PRH1: variants seen among roughly 807,000 people sequenced by gnomAD.
PRH1 encodes salivary acidic proline-rich phosphoprotein 1/2.
PRH1 carries 7 observed loss-of-function variants against 7.9 expected under a neutral mutation model. The ratio of observed to expected loss-of-function variants is 0.89; its 90% CI spans 0.50 to 1.67. The LOEUF is 1.67. PRH1 is among the 40% of genes most tolerant of loss of function. PRH1 has a pLI of 0.00. For synonymous variants in PRH1, 45 were observed against 80.8 expected, an observed-to-expected ratio of 0.56 and a Z score of 2.38; for missense variants, 109 against 223.6, an observed-to-expected ratio of 0.49 and a Z score of 3.27.
intron 1 of PRH1, among the ~76,000 whole-genome samples, chr12:11,074,320 A>G (rs1944206933): frequency 6.6e-6 from 1 of 151,772 alleles, no homozygotes; most frequent in Non-Finnish European, 1.5e-5. Context: ...TCACCTTTGG[A>G]GCAGAAAGTG....
chr12:11,159,950 C>G lies in PRH1; in HGVS notation n.39+11472G>C, dbSNP rs1355783395. ...TACCTTTCTTACCACTTTCAGTCAGCTACTATATAATTTCTAGAACAAACA... is the reference window on the plus strand; with the variant it reads ...TACCTTTCTTACCACTTTCAGTCAGGTACTATATAATTTCTAGAACAAACA... On this transcript the variant is annotated intron_variant and non_coding_transcript_variant, in intron 1 of 1. Coordinates refer to the PRH1 transcript ENST00000541175. Among the ~76,000 whole-genome samples, 4 of 152,180 alleles carry G rather than the reference C, an allele frequency of 2.6e-5. No individual in the cohort carries two copies. In the South Asian group the frequency reaches 8.3e-4, roughly 32 times the overall value.
At chr12:11,127,160 C>A (rs1219144652) in intron 1 of PRH1, among the ~76,000 whole-genome samples, 1 of 152,288 alleles carries the variant, frequency 6.6e-6, no homozygotes, top group East Asian at 1.9e-4. Context: ...AGGATAATTT[C>A]CAAAACAGCT....
rs140422506 is a variant in PRH1 at position 11,085,105 on chromosome 12, C to A, written n.124-37917G>T. On this transcript the variant is annotated intron_variant and non_coding_transcript_variant, in intron 1 of 4. Coordinates refer to the PRH1 transcript ENST00000541977. The stretch of plus-strand genomic sequence containing the variant: ...GAAGTGCTGGGATTACAGCTATCAG[C>A]CACGACACCCAACCCTTATTCATAT... Among the ~76,000 whole-genome samples the A allele has an allele frequency of 9.9e-3, 578 of 58,428 alleles. 131 individuals are homozygous for A. Among genetic ancestry groups the A allele is most frequent in the African/African-American group, 0.023 (542 of 23,478 alleles). The allele number at this position is 58,428 out of a possible 152,430, so 38.3% of individuals were successfully genotyped here.
chr12:11,128,475 T>C (rs1262504464), intron 1 of PRH1, among the ~76,000 whole-genome samples: 3 of 152,128 alleles, frequency 2.0e-5, no homozygotes, highest in African/African-American at 7.2e-5. Context: ...GCGGGCGCAG[T>C]GGCTCATGGC....
At chr12:11,060,378 G>GT (rs370423634) in intron 1 of PRH1, among the ~76,000 whole-genome samples, 101 of 134,820 alleles carry the variant, frequency 7.5e-4, no homozygotes, top group Non-Finnish European at 1.3e-3. Flanking sequence ...TACATTGATA[G>GT]TTTTTTTTTA....
chr12:11,120,234 G>A (rs1480983754), downstream of PRH1, among the ~76,000 whole-genome samples: 2 of 152,140 alleles, frequency 1.3e-5, no homozygotes, highest in East Asian at 1.9e-4. Flanking sequence ...GAGTATCTTT[G>A]CCTAAAGTAA....
At chr12:10,946,897 C>T (rs1950495915) in intron 2 of PRH1, among the ~76,000 whole-genome samples, 1 of 152,134 alleles carries the variant, frequency 6.6e-6, no homozygotes, top group Non-Finnish European at 1.5e-5. Context: ...ATCTAAAAGT[C>T]ATCCAGGAGC....
At chr12:11,135,220 G>T (rs1469065948) in intron 1 of PRH1, among the ~76,000 whole-genome samples, 2 of 152,074 alleles carry the variant, frequency 1.3e-5, no homozygotes, top group African/African-American at 4.8e-5. Flanking sequence ...ATCACACGAA[G>T]ACTGACTACC....
At chr12:10,911,668 A>G (rs1397256684) in intron 2 of PRH1, among the ~76,000 whole-genome samples, 2 of 152,170 alleles carry the variant, frequency 1.3e-5, no homozygotes, top group African/African-American at 4.8e-5. Context: ...TGCCTATGAG[A>G]ATTTGGTATT....
chr12:11,010,845 T>C (rs1941035475), intron 1 of PRH1, among the ~76,000 whole-genome samples: 1 of 151,976 alleles, frequency 6.6e-6, no homozygotes, highest in Non-Finnish European at 1.5e-5. Context: ...TTATTAAGAA[T>C]GAATTATATA....
At chr12:11,155,743 C>T (rs1173592975) in intron 1 of PRH1, among the ~76,000 whole-genome samples, 1 of 151,918 alleles carries the variant, frequency 6.6e-6, no homozygotes, top group African/African-American at 2.4e-5. Flanking sequence ...AATTATTAAT[C>T]CTTCCTTAAT....
chr12:11,031,217 T>A, intron 1 of PRH1: 1 of 1,614,120 alleles, frequency 6.2e-7, no homozygotes, highest in East Asian at 2.2e-5. Context: ...AAAAGAGATC[T>A]TTTGTCTCTT....
rs1304229265 is a variant in PRH1, at chr12:11,064,351, GA to G, written n.124-17164del. Among the ~76,000 whole-genome samples, 3 of 152,020 alleles carry G rather than the reference GA, an allele frequency of 2.0e-5. No individual in the cohort carries two copies. The East Asian group carries it at 5.8e-4, about 29-fold the overall frequency. Reference sequence around the variant, plus strand: ...TAGTCACATAGTTGCAAGTACATGTGATTTTTTTTCACTTCTCTATACTGTT... The same window carrying G: ...TAGTCACATAGTTGCAAGTACATGTGTTTTTTTTCACTTCTCTATACTGTT... On this transcript the variant is annotated intron_variant and non_coding_transcript_variant, in intron 1 of 4. Coordinates refer to the PRH1 transcript ENST00000541977.
intron 2 of PRH1, among the ~76,000 whole-genome samples, chr12:10,913,324 A>G (rs1212536275): frequency 1.3e-5 from 2 of 152,074 alleles, no homozygotes; most frequent in Non-Finnish European, 2.9e-5. Context: ...GCATGGTGGC[A>G]GGCACCTGTA....
chr12:10,933,384 C>G (rs754989709), intron 2 of PRH1, among the ~76,000 whole-genome samples: 36 of 151,956 alleles, frequency 2.4e-4, no homozygotes, highest in Non-Finnish European at 4.3e-4. Flanking sequence ...CTTTAGTATG[C>G]TGATTTATAC....
intron 1 of PRH1, among the ~76,000 whole-genome samples, chr12:10,974,852 G>A (rs1939011408): frequency 1.3e-5 from 2 of 152,168 alleles, no homozygotes; most frequent in South Asian, 4.1e-4. Flanking sequence ...GAAGATCAAT[G>A]AGATTCAGGA....
At chr12:11,108,550 C>T (rs552531106) in intron 1 of PRH1, among the ~76,000 whole-genome samples, 8 of 152,230 alleles carry the variant, frequency 5.3e-5, no homozygotes, top group African/African-American at 1.4e-4. Flanking sequence ...TTGCCTCACC[C>T]GGGAAGTGCA....
intron 1 of PRH1, chr12:10,996,934 C>A: frequency 1.3e-6 from 2 of 1,583,120 alleles, no homozygotes; most frequent in South Asian, 2.3e-5. Context: ...ACACAATGCA[C>A]CTCTTGTGAA....
chr12:10,920,650 T>G (rs1373713818), intron 2 of PRH1, among the ~76,000 whole-genome samples: 2 of 152,152 alleles, frequency 1.3e-5, no homozygotes, highest in Non-Finnish European at 2.9e-5. Flanking sequence ...TCAAAAGTTT[T>G]CCTGTTGATT....
Sources: allele counts gnomAD v4.1 joint callset (sites outside exome capture counted in the v4.1 genomes callset), GRCh38; gene constraint gnomAD v4.1.1; transcripts MANE v1.5; gene names NCBI Gene and HGNC (gene_info 2026-07-23, HGNC 2026-07-21).